Variants in TLE2 observed in about 807,000 individuals in gnomAD.
The protein encoded by TLE2 is transducin-like enhancer protein 2.
TLE2 carries 74 observed loss-of-function variants against 97.2 expected under a neutral mutation model. That is an observed-to-expected ratio of 0.76 (90% CI 0.63 to 0.92). TLE2 has a LOEUF of 0.92. TLE2 is among the 40% of genes least tolerant of loss of function. The pLI is 0.00. For missense variants in TLE2, 1,038 were observed against 1,008.7 expected, an observed-to-expected ratio of 1.03 and a Z score of -0.39; for synonymous variants, 499 against 432.1, an observed-to-expected ratio of 1.15 and a Z score of -1.92.
intron 11 of TLE2, among the ~76,000 whole-genome samples, chr19:3,012,946 C>T (rs1161147352): frequency 6.6e-6 from 1 of 152,122 alleles, no homozygotes; most frequent in Non-Finnish European, 1.5e-5. Context: ...ACGGAGCTGA[C>T]CCATCCCCTT....
Position 3,002,440 on chromosome 19 carries a change from C to G in TLE2, c.1960G>C (p.Val654Leu), listed in dbSNP as rs763599699. The change falls in exon 18 of 20, where the codon GTG (valine) becomes CTG (leucine). Residue 654 changes from valine to leucine, a missense_variant. Coordinates refer to ENST00000262953, the MANE Select transcript of TLE2 (RefSeq NM_003260.5). ...WLAVGMESSN[V>L]EILHVRKPEK... ...GGCTTGCGGACGTGCAGGATCTCCA[C>G]GTTGCTACTCTCCATTCCGACCGCC... The G allele has an allele frequency of 1.2e-6, 2 of 1,611,700 alleles. No homozygotes were observed. Among genetic ancestry groups the G allele is most frequent in the African/African-American group, 2.7e-5 (2 of 74,862 alleles).
upstream of TLE2, among the ~76,000 whole-genome samples, chr19:3,046,381 C>G (rs963358294): frequency 6.6e-6 from 1 of 152,226 alleles, no homozygotes; most frequent in Non-Finnish European, 1.5e-5. Flanking sequence ...TCTAATGCGT[C>G]CTAGCTTTAG....
intron 8 of TLE2, 73 bp downstream of exon 8, chr19:3,017,766 AG>A (rs764124184): frequency 6.9e-7 from 1 of 1,450,126 alleles, no homozygotes; most frequent in Non-Finnish European, 9.5e-7. Flanking sequence ...TCTCATTCTG[AG>A]GCCCCCATCA....
intron 7 of TLE2, among the ~76,000 whole-genome samples, chr19:3,018,926 A>G (rs1199406304): frequency 6.6e-6 from 1 of 151,658 alleles, no homozygotes; most frequent in Non-Finnish European, 1.5e-5. Context: ...CCTGTGCTTG[A>G]CTAATTTTTA....
upstream of TLE2, among the ~76,000 whole-genome samples, chr19:3,030,468 C>A (rs1439914199): frequency 6.6e-6 from 1 of 152,236 alleles, no homozygotes; most frequent in Non-Finnish European, 1.5e-5. Context: ...GTGGACCACA[C>A]ACTGCTGTAG....
At chr19:3,003,224 G>GGGAGAGA (rs2089404508) in intron 17 of TLE2, among the ~76,000 whole-genome samples, 1 of 152,182 alleles carries the variant, frequency 6.6e-6, no homozygotes, top group African/African-American at 2.4e-5. Context: ...ACAGGGAGGA[G>GGGAGAGA]GGAGAGAGGA....
At chr19:3,022,222 T>TA (rs968186161) in intron 5 of TLE2, among the ~76,000 whole-genome samples, 68 of 151,700 alleles carry the variant, frequency 4.5e-4, no homozygotes, top group Non-Finnish European at 7.8e-4. Flanking sequence ...CTAATTTTTG[T>TA]AAAAAAAAAT....
chr19:3,028,872 CG>C lies in TLE2; in HGVS notation c.24+8del. The C allele has an allele frequency of 1.2e-6, 2 of 1,611,492 alleles. No individual in the cohort carries two copies. Among genetic ancestry groups the C allele is most frequent in the Non-Finnish European group, 1.7e-6 (2 of 1,179,746 alleles). On this transcript the variant is annotated splice_region_variant and intron_variant, in intron 1 of 19. Transcript: ENST00000262953. ...CACTGGGGGCCCCCTCCCCGCAGTC[CG>C]CACTCACCGGGTGCCTTCCCTGGGG...
At chr19:2,999,040 C>A (rs375083) in intron 19 of TLE2, among the ~76,000 whole-genome samples, 2 of 151,924 alleles carry the variant, frequency 1.3e-5, no homozygotes, top group African/African-American at 2.4e-5. Context: ...TCGGCGCTTC[C>A]GGAGGCCGAG....
intron 12 of TLE2, among the ~76,000 whole-genome samples, chr19:3,009,974 T>A (rs1300439972): frequency 1.3e-5 from 2 of 151,486 alleles, no homozygotes; most frequent in Admixed American, 1.3e-4. Context: ...AACCTCTGCC[T>A]CCTGGGTTCA....
At chr19:3,029,450 G>T, upstream of TLE2, 1 of 964,306 alleles carries the variant, frequency 1.0e-6, no homozygotes, top group Non-Finnish European at 1.2e-6. Flanking sequence ...AACTGAGGCC[G>T]GGTGGGGAGG....
Position 3,013,769 on chromosome 19 carries a change from A to G in TLE2, c.773T>C (p.Val258Ala). The G allele has an allele frequency of 6.4e-7, 1 of 1,561,352 alleles. No homozygotes were observed. The highest frequency in any genetic ancestry group is 8.6e-7 in the Non-Finnish European group (1 of 1,156,380). The change falls in exon 11 of 20, where the codon GTA (valine) becomes GCA (alanine). Residue 258 changes from valine to alanine, a missense_variant. By Grantham distance (64) the Val-to-Ala change is moderately conservative. Coordinates refer to ENST00000262953, the MANE Select transcript of TLE2 (RefSeq NM_003260.5). ...PSPATTPCGK[V>A]PICIPARRDL... The stretch of plus-strand genomic sequence containing the variant: ...CCGACGGGCAGGAATGCAGATGGGT[A>G]CCTTTCCGCAGGGGGTGGTAGCCGG...
At chr19:3,022,809 T>C (rs1363433539) in intron 5 of TLE2, among the ~76,000 whole-genome samples, 1 of 151,940 alleles carries the variant, frequency 6.6e-6, no homozygotes, top group Admixed American at 6.6e-5. Flanking sequence ...GAAGACTTTC[T>C]AGAAAGGGCC....
At chr19:3,017,416 G>A (rs1033769492) in intron 8 of TLE2, among the ~76,000 whole-genome samples, 1 of 150,754 alleles carries the variant, frequency 6.6e-6, no homozygotes, top group Non-Finnish European at 1.5e-5. Flanking sequence ...GGGATTACAG[G>A]CACGCACCTG....
At chr19:3,020,678 T>C (rs2089819821) in intron 5 of TLE2, 1 of 152,244 alleles carries the variant, frequency 6.6e-6, no homozygotes, top group Non-Finnish European at 1.5e-5. Flanking sequence ...GCTCATTCTC[T>C]GAGTTCTCTT....
intron 11 of TLE2, among the ~76,000 whole-genome samples, 162 bp from the exon 12 acceptor site, chr19:3,011,322 G>A (rs940817226): frequency 2.6e-5 from 4 of 152,128 alleles, no homozygotes; most frequent in African/African-American, 9.7e-5. Flanking sequence ...GAGGTCAGGA[G>A]TTCGAGACCA....
chr19:3,002,708 T>A (rs540754866), intron 17 of TLE2, among the ~76,000 whole-genome samples: 8 of 151,784 alleles, frequency 5.3e-5, no homozygotes, highest in Middle Eastern at 6.8e-3. Flanking sequence ...ATAATCTTTT[T>A]TTTTTTTTGA....
chr19:3,029,558 CGG>C (rs756651385), upstream of TLE2: 246 of 226,008 alleles, frequency 1.1e-3, no homozygotes, highest in Non-Finnish European at 1.4e-3. Flanking sequence ...ACCGTGGGAG[CGG>C]GGGGGGGGGC....
intron 5 of TLE2, among the ~76,000 whole-genome samples, chr19:3,021,798 G>A (rs60677837): frequency 1.3e-5 from 2 of 151,910 alleles, no homozygotes; most frequent in South Asian, 4.2e-4. Context: ...GACCAGGCTG[G>A]TCTTGAACTC....
Sources: allele counts gnomAD v4.1 joint callset (sites outside exome capture counted in the v4.1 genomes callset), GRCh38; gene constraint gnomAD v4.1.1; transcripts MANE v1.5; gene names NCBI Gene and HGNC (gene_info 2026-07-23, HGNC 2026-07-21).